Variants in DGKB observed in about 807,000 individuals in gnomAD.
The protein encoded by DGKB is diacylglycerol kinase beta.
Under a neutral mutation model 114.3 loss-of-function variants are expected in DGKB, and 67 were observed. The observed-to-expected ratio is 0.59, with a 90% CI of 0.48 to 0.72. The LOEUF (loss-of-function observed/expected upper bound fraction) is 0.72. Ranked by LOEUF, DGKB falls within the 30% of genes least tolerant of loss-of-function variation. The pLI is 0.00. For missense variants in DGKB, 907 were observed against 975.2 expected, an observed-to-expected ratio of 0.93 and a Z score of 0.93; for synonymous variants, 398 against 323.1, an observed-to-expected ratio of 1.23 and a Z score of -2.49.
intron 20 of DGKB, among the ~76,000 whole-genome samples, chr7:14,567,488 ATAT>A (rs1359307410): frequency 1.4e-5 from 1 of 72,144 alleles, no homozygotes; most frequent in Non-Finnish European, 2.6e-5. Context: ...ATATATTTAT[ATAT>A]TATATATAAT....
chr7:14,489,658 T>C (rs1001044470), intron 20 of DGKB, among the ~76,000 whole-genome samples: 1 of 152,182 alleles, frequency 6.6e-6, no homozygotes, highest in South Asian at 2.1e-4. Flanking sequence ...CAAAACCTCA[T>C]GTGCGTTTGC....
intron 1 of DGKB, among the ~76,000 whole-genome samples, chr7:14,916,339 C>A (rs555106214): frequency 5.9e-5 from 9 of 151,864 alleles, no homozygotes; most frequent in African/African-American, 2.2e-4. Context: ...AGCTAGACAC[C>A]AATCCCATTA....
rs571990548 is a variant in DGKB at position 14,355,337 on chromosome 7, G to A, written c.1836-9946C>T. Reference sequence around the variant, plus strand: ...ATGTTGAATAGGAGTGGTGAGAGAAGGCATCCCTGTCTTGTGCTGGTTTTC... The same window carrying A: ...ATGTTGAATAGGAGTGGTGAGAGAAAGCATCCCTGTCTTGTGCTGGTTTTC... On this transcript the variant is annotated intron_variant, in intron 21 of 25. Coordinates refer to ENST00000402815, the MANE Select transcript of DGKB (RefSeq NM_001350709.2). Among the ~76,000 whole-genome samples, 4 of 152,310 alleles carry A rather than the reference G, an allele frequency of 2.6e-5. No homozygotes were observed. The South Asian group carries it at 6.2e-4, about 24-fold the overall frequency.
At chr7:14,196,005 C>T (rs377492768) in intron 23 of DGKB, among the ~76,000 whole-genome samples, 5 of 152,244 alleles carry the variant, frequency 3.3e-5, no homozygotes, top group African/African-American at 1.2e-4. Context: ...TAAATCTCAG[C>T]AACCTTCATG....
chr7:14,588,159 ATT>A (rs1801095156), intron 17 of DGKB, among the ~76,000 whole-genome samples: 1 of 151,832 alleles, frequency 6.6e-6, no homozygotes, highest in Non-Finnish European at 1.5e-5. Context: ...TTTATTTCTT[ATT>A]TTTGTGAAAT....
intron 20 of DGKB, among the ~76,000 whole-genome samples, chr7:14,525,449 A>G (rs1348310599): frequency 6.6e-6 from 1 of 152,192 alleles, no homozygotes; most frequent in East Asian, 1.9e-4. Flanking sequence ...CTTTTGTCAT[A>G]TTTATACCAT....
intron 1 of DGKB, among the ~76,000 whole-genome samples, chr7:14,970,147 A>G (rs1787373706): frequency 6.6e-6 from 1 of 152,188 alleles, no homozygotes. Context: ...GACTTCAATC[A>G]TTCATTATTT....
At chr7:14,643,878 C>T (rs1205931493) in intron 13 of DGKB, among the ~76,000 whole-genome samples, 2 of 152,090 alleles carry the variant, frequency 1.3e-5, no homozygotes, top group Non-Finnish European at 2.9e-5. Context: ...ACTTCAAGCC[C>T]AAAAAACTGA....
At chr7:14,809,897 G>C (rs1586658379) in intron 2 of DGKB, among the ~76,000 whole-genome samples, 1 of 152,104 alleles carries the variant, frequency 6.6e-6, no homozygotes, top group Non-Finnish European at 1.5e-5. Flanking sequence ...GAATATCAGG[G>C]TGTTTGCACA....
intron 23 of DGKB, chr7:14,191,025 C>A: frequency 6.5e-6 from 1 of 154,848 alleles, no homozygotes; most frequent in South Asian, 1.8e-4. Context: ...CATTGATACC[C>A]TGTGGAAATT....
At chr7:14,889,136 T>C (rs983922307) in intron 1 of DGKB, among the ~76,000 whole-genome samples, 4 of 151,704 alleles carry the variant, frequency 2.6e-5, no homozygotes, top group African/African-American at 7.2e-5. Context: ...ATGTTTAGCA[T>C]TCACTTTGAT....
intron 23 of DGKB, among the ~76,000 whole-genome samples, chr7:14,232,562 G>C (rs1792076604): frequency 6.6e-6 from 1 of 151,826 alleles, no homozygotes; most frequent in African/African-American, 2.4e-5. Flanking sequence ...AATCATAAGA[G>C]TGAACCAAAT....
intron 14 of DGKB, among the ~76,000 whole-genome samples, chr7:14,623,044 A>C (rs1165321071): frequency 6.6e-6 from 1 of 152,190 alleles, no homozygotes; most frequent in East Asian, 1.9e-4. Context: ...CATAAGCAAA[A>C]GAACTTTCTT....
intron 23 of DGKB, among the ~76,000 whole-genome samples, chr7:14,312,961 T>G (rs938692570): frequency 6.6e-6 from 1 of 152,210 alleles, no homozygotes; most frequent in South Asian, 2.1e-4. Context: ...AGAACTGATA[T>G]TATTTTCAAA....
At chr7:14,761,316 T>C (rs912651499) in intron 2 of DGKB, among the ~76,000 whole-genome samples, 6 of 152,178 alleles carry the variant, frequency 3.9e-5, no homozygotes, top group South Asian at 2.1e-4. Flanking sequence ...TTCAACAGCA[T>C]TGTTTTTACA....
At chr7:14,923,470 T>G (rs1028919058) in intron 1 of DGKB, among the ~76,000 whole-genome samples, 4 of 152,212 alleles carry the variant, frequency 2.6e-5, no homozygotes, top group Non-Finnish European at 4.4e-5. Flanking sequence ...AAGCTCTGTT[T>G]CCTTATTTGT....
chr7:14,373,727 G>C (rs1001077822), intron 21 of DGKB, among the ~76,000 whole-genome samples: 1 of 152,106 alleles, frequency 6.6e-6, no homozygotes, highest in Non-Finnish European at 1.5e-5. Flanking sequence ...CAGTAGAAGA[G>C]GTAAGGAGAG....
chr7:14,799,849 T>A (rs1186532839), intron 2 of DGKB, among the ~76,000 whole-genome samples: 3 of 152,130 alleles, frequency 2.0e-5, no homozygotes, highest in Admixed American at 6.5e-5. Context: ...TTGGTAGAAT[T>A]CTATTGGTGA....
chr7:14,484,467 C>T (rs1783467283), intron 20 of DGKB, among the ~76,000 whole-genome samples: 1 of 152,094 alleles, frequency 6.6e-6, no homozygotes, highest in South Asian at 2.1e-4. Context: ...TGGGTGAGTT[C>T]TCATGAGATC....
Sources: gnomAD v4.1 joint callset for allele counts (sites outside exome capture counted in the v4.1 genomes callset) on GRCh38, gnomAD v4.1.1 for gene constraint, MANE v1.5 for transcripts, NCBI Gene and HGNC (gene_info 2026-07-23, HGNC 2026-07-21) for gene names.